Variants in RAI1 observed in about 807,000 individuals in gnomAD.
The protein encoded by RAI1 is retinoic acid-induced protein 1.
RAI1 carries 9 observed loss-of-function variants against 123.8 expected under a neutral mutation model. That is an observed-to-expected ratio of 0.07 (90% CI 0.04 to 0.13). RAI1 has a LOEUF of 0.13. Among genes scored for constraint, RAI1 ranks in the 10% least tolerant of loss-of-function variants. The pLI is 1.00. For missense variants in RAI1, 2,256 were observed against 2,545.8 expected, an observed-to-expected ratio of 0.89 and a Z score of 2.45; for synonymous variants, 1,231 against 1,127.3, an observed-to-expected ratio of 1.09 and a Z score of -1.84.
chr17:17,753,474 T>G (rs1185561977), intron 2 of RAI1, among the ~76,000 whole-genome samples: 3 of 152,232 alleles, frequency 2.0e-5, no homozygotes, highest in African/African-American at 7.2e-5. Context: ...ATGGATAGCC[T>G]TTTGGGAGTT....
chr17:17,775,505 CAT>C lies in RAI1; in HGVS notation c.-16-17427_-16-17426del, dbSNP rs375684932. On this transcript the variant is annotated intron_variant, in intron 2 of 5. Transcript: ENST00000353383. ...AGGTGTGAGCCACCATGCCTGGCCT[CAT>C]GTGTAACTTTCGACTCCCCAGTCAA... 2.8e-3 allele frequency among the ~76,000 whole-genome samples: 423 copies of C among 148,890 alleles called. 2 individuals carry two copies. Among genetic ancestry groups the C allele is most frequent in the African/African-American group, 9.7e-3 (393 of 40,422 alleles).
chr17:17,767,396 TA>T (rs948373629), intron 2 of RAI1, among the ~76,000 whole-genome samples: 1 of 150,618 alleles, frequency 6.6e-6, no homozygotes, highest in Admixed American at 6.6e-5. Context: ...TTGGTCTTTT[TA>T]AAAAAACTCG....
chr17:17,694,938 C>T (rs985931016), intron 1 of RAI1, among the ~76,000 whole-genome samples: 1 of 152,086 alleles, frequency 6.6e-6, no homozygotes, highest in African/African-American at 2.4e-5. Flanking sequence ...GTTACCGGGC[C>T]AGGCGGCGCG....
Position 17,810,033 on chromosome 17 carries a change from C to T in RAI1, c.*52C>T. 12 of 1,542,710 alleles carry T rather than the reference C, an allele frequency of 7.8e-6. No individual in the cohort carries two copies. Among genetic ancestry groups the T allele is most frequent in the East Asian group, 2.5e-5 (1 of 40,740 alleles). ...CGCCGGAGCCCGCCTGCCCGCCCGC[C>T]GCCGAAGGAGAGGAGCCGCCTGCGC... On this transcript the variant is annotated 3_prime_UTR_variant, in exon 6 of 6. Transcript: ENST00000353383. The surrounding 1 kb of genome is among the most constrained non-coding windows in gnomAD (Gnocchi z 4.6).
At position 17,797,264 on chromosome 17, in the gene RAI1, G is replaced by A. The variant is rs1273270990; in HGVS notation, c.4316G>A (p.Gly1439Glu). ...FTSPEALQPGGTALAPKKRSR... is the reference protein window; with the variant it reads ...FTSPEALQPGETALAPKKRSR... ...TCCCCGGAGGCCCTGCAGCCTGGGG[G>A]GACTGCCCTGGCGCCTAAGAAGAGG... The change falls in exon 3 of 6, where the codon GGG (glycine) becomes GAG (glutamate). Residue 1439 changes from glycine (G) to glutamate (E), a missense_variant. Coordinates refer to ENST00000353383, the MANE Select transcript of RAI1 (RefSeq NM_030665.4). 6.2e-6 allele frequency: 10 copies of A among 1,613,124 alleles called. No individual in the cohort carries two copies. The highest frequency in any genetic ancestry group is 8.5e-6 in the Non-Finnish European group (10 of 1,180,018).
chr17:17,740,613 AT>A (rs1374517745), intron 2 of RAI1, among the ~76,000 whole-genome samples: 1 of 152,228 alleles, frequency 6.6e-6, no homozygotes, highest in Admixed American at 6.5e-5. Context: ...CCACGTGGCC[AT>A]CAGGTGGCCT....
chr17:17,794,050 G>A lies in RAI1; in HGVS notation c.1102G>A (p.Glu368Lys). The change falls in exon 3 of 6, where the codon GAG becomes AAG. Residue 368 changes from glutamate to lysine, a missense_variant. Physicochemically the swap from Glu to Lys is moderately conservative, Grantham distance 56 (BLOSUM62 1). Coordinates refer to ENST00000353383, the MANE Select transcript of RAI1 (RefSeq NM_030665.4). ...STPSPLMPNL[E>K]NFPYSQQPLS... is the part of the protein sequence containing the mutation. ...ACCGTCGCCGCTGATGCCAAACCTGGAGAACTTTCCCTACAGCCAGCAGCC... is the reference window on the plus strand; with the variant it reads ...ACCGTCGCCGCTGATGCCAAACCTGAAGAACTTTCCCTACAGCCAGCAGCC... The A allele has an allele frequency of 6.2e-7, 1 of 1,613,910 alleles. No individual in the cohort carries two copies.
chr17:17,701,494 GGGAA>G (rs1404296664), intron 1 of RAI1, among the ~76,000 whole-genome samples: 1 of 152,154 alleles, frequency 6.6e-6, no homozygotes, highest in Admixed American at 6.5e-5. Flanking sequence ...TTTTTGCAGA[GGGAA>G]GGAAAACGGA....
At chr17:17,736,681 C>T (rs1567860708) in intron 2 of RAI1, among the ~76,000 whole-genome samples, 1 of 152,130 alleles carries the variant, frequency 6.6e-6, no homozygotes, top group Non-Finnish European at 1.5e-5. Flanking sequence ...AGATGAAAAG[C>T]ATTTCTGGAG....
intron 2 of RAI1, among the ~76,000 whole-genome samples, chr17:17,726,478 G>T (rs1460396805): frequency 6.6e-6 from 1 of 152,216 alleles, no homozygotes; most frequent in Non-Finnish European, 1.5e-5. Context: ...TTATGGGGCT[G>T]CCTTCCCTTC....
In RAI1 at chr17:17,796,735, C is replaced by T. The variant is rs751022715; in HGVS notation, c.3787C>T (p.Pro1263Ser). ...GNGGDGKEER[P>S]EGSPTLFKRM... ...TGGGGGAGATGGGAAGGAGGAGAGG[C>T]CTGAGGGTTCCCCCACCCTCTTCAA... Residue 1263 changes from proline (P) to serine (S), a missense_variant, in exon 3 of 6, where the codon CCT (proline) becomes TCT (serine). By Grantham distance (74) the Pro-to-Ser change is moderately conservative (BLOSUM62 -1). This residue lies in a region of RAI1 where 322 missense variants were observed against 358.0 expected (regional missense o/e 0.90). Transcript: ENST00000353383. This position sits in a 1 kb window ranked among gnomAD's most constrained non-coding sequence, Gnocchi z 5.8. 6.2e-7 allele frequency: 1 copy of T among 1,613,504 alleles called. No individual in the cohort carries two copies. Among genetic ancestry groups the T allele is most frequent in the South Asian group, 1.1e-5 (1 of 91,088 alleles).
intron 1 of RAI1, among the ~76,000 whole-genome samples, chr17:17,696,656 T>C (rs557188355): frequency 6.6e-6 from 1 of 152,340 alleles, no homozygotes; most frequent in African/African-American, 2.4e-5. Context: ...CCCTTCTCCA[T>C]TGCCAGTAAC....
Position 17,794,137 on chromosome 17 carries a change from A to T in RAI1, c.1189A>T (p.Asn397Tyr). ...CCACAGCCACTTCATGCCCCTGCTCAATCCCTCCCCAACGGATGCCACCAG... is the reference window on the plus strand; with the variant it reads ...CCACAGCCACTTCATGCCCCTGCTCTATCCCTCCCCAACGGATGCCACCAG... ...TDHSHFMPLL[N>Y]PSPTDATSSV... Residue 397 changes from asparagine to tyrosine, a missense_variant, in exon 3 of 6, where the codon AAT becomes TAT. Asn to Tyr is a moderately radical substitution (Grantham distance 143, BLOSUM62 -2). Coordinates refer to ENST00000353383, the MANE Select transcript of RAI1 (RefSeq NM_030665.4). 1 of 1,614,008 alleles carries T rather than the reference A, an allele frequency of 6.2e-7. No individual in the cohort carries two copies. The highest frequency in any genetic ancestry group is 8.5e-7 in the Non-Finnish European group (1 of 1,180,004).
chr17:17,724,580 G>A (rs1285120691), intron 2 of RAI1, among the ~76,000 whole-genome samples: 1 of 152,002 alleles, frequency 6.6e-6, no homozygotes, highest in Non-Finnish European at 1.5e-5. Context: ...GGCGAGAGAT[G>A]CCAGAGAAGG....
At position 17,726,517 on chromosome 17, in the gene RAI1, AC is replaced by A. The variant is rs376024811; in HGVS notation, c.-17+2360del. Among the ~76,000 whole-genome samples the A allele has an allele frequency of 1.8e-4, 27 of 152,184 alleles. No homozygotes were observed. The East Asian group carries it at 4.6e-3, about 26-fold the overall frequency. The stretch of plus-strand genomic sequence containing the variant: ...AGACCTCGAGTTTCCGTTTTCAAGA[AC>A]CTTTTTCTTCCTATCTTCCTTAGGG... On this transcript the variant is annotated intron_variant, in intron 2 of 5. Transcript: ENST00000353383.
intron 2 of RAI1, among the ~76,000 whole-genome samples, chr17:17,750,517 T>C (rs1189987132): frequency 6.8e-6 from 1 of 147,900 alleles, no homozygotes; most frequent in African/African-American, 2.5e-5. Context: ...AGGTCGAGAG[T>C]TTGAGACCAG....
intron 2 of RAI1, among the ~76,000 whole-genome samples, chr17:17,761,080 G>C (rs1367756842): frequency 6.6e-6 from 1 of 152,192 alleles, no homozygotes; most frequent in Admixed American, 6.5e-5. Flanking sequence ...TGTGACCTTA[G>C]GCTAGTTCCT....
At position 17,785,729 on chromosome 17, in the gene RAI1, C is replaced by G. The variant is rs188500530; in HGVS notation, c.-16-7204C>G. Among the ~76,000 whole-genome samples, 389 of 152,322 alleles carry G rather than the reference C, an allele frequency of 2.6e-3. 2 individuals carry two copies. The highest frequency in any genetic ancestry group is 8.8e-3 in the African/African-American group (367 of 41,580). ...TGCACGGGTCTGCCCTGCCTCCCCC[C>G]TGAGCCCAGGGCACTCGCCTTTCTG... On this transcript the variant is annotated intron_variant, in intron 2 of 5. Transcript: ENST00000353383.
chr17:17,727,108 G>A (rs951128725), intron 2 of RAI1, among the ~76,000 whole-genome samples: 1 of 152,224 alleles, frequency 6.6e-6, no homozygotes, highest in Non-Finnish European at 1.5e-5. Context: ...TGCCACTGCT[G>A]ATGCCGAAGG....
Sources: gnomAD v4.1 joint callset for allele counts (sites outside exome capture counted in the v4.1 genomes callset) on GRCh38, gnomAD v4.1.1 for gene constraint, gnomAD v4.1.1 regional missense constraint, Gnocchi (gnomAD v3.1) non-coding constraint, MANE v1.5 for transcripts, NCBI Gene and HGNC (gene_info 2026-07-23, HGNC 2026-07-21) for gene names.